Variants in MEIS2 observed in about 807,000 individuals in gnomAD.
MEIS2 encodes Meis homeobox 2.
In MEIS2, 9 loss-of-function variants were observed where a neutral mutation model predicts 58.6. The ratio of observed to expected loss-of-function variants is 0.15; its 90% confidence interval spans 0.09 to 0.27. The LOEUF (loss-of-function observed/expected upper bound fraction) is 0.27. Among genes scored for constraint, MEIS2 ranks in the 10% least tolerant of loss-of-function variants. MEIS2 has a pLI of 1.00. For synonymous variants in MEIS2, 221 were observed against 228.4 expected (o/e 0.97, Z 0.29); for missense variants, 427 against 635.0 (o/e 0.67, Z 3.52).
At chr15:37,070,179 C>A (rs565795967) in intron 7 of MEIS2, among the ~76,000 whole-genome samples, 1 of 152,096 alleles carries the variant, frequency 6.6e-6, no homozygotes, top group African/African-American at 2.4e-5. Context: ...AGAATAACTA[C>A]ATGGAGAGCT....
chr15:37,098,298 A>G, intron 1 of MEIS2, 99 bp from the exon 2 acceptor site: 1 of 1,414,018 alleles, frequency 7.1e-7, no homozygotes, highest in Non-Finnish European at 9.3e-7. Context: ...GGGCGAACAG[A>G]AAAGAGAGGA....
At chr15:36,934,268 T>G (rs1326691975) in intron 9 of MEIS2, among the ~76,000 whole-genome samples, 2 of 149,962 alleles carry the variant, frequency 1.3e-5, no homozygotes, top group East Asian at 3.9e-4. Context: ...CCATTTGTGT[T>G]TTTTTTTTTC....
chr15:37,029,619 T>C (rs993953829), intron 8 of MEIS2, among the ~76,000 whole-genome samples: 3 of 152,090 alleles, frequency 2.0e-5, no homozygotes, highest in African/African-American at 7.2e-5. Context: ...TGGTGATACA[T>C]AAGCTCTGAG....
intron 8 of MEIS2, among the ~76,000 whole-genome samples, chr15:36,955,664 C>T (rs573796908): frequency 6.6e-6 from 1 of 152,108 alleles, no homozygotes; most frequent in Non-Finnish European, 1.5e-5. Context: ...ATATACACAA[C>T]CCTCTCAAGT....
chr15:37,024,508 C>T (rs1213314696), intron 8 of MEIS2, among the ~76,000 whole-genome samples: 3 of 152,176 alleles, frequency 2.0e-5, no homozygotes, highest in Non-Finnish European at 2.9e-5. Flanking sequence ...CTGGCTGGTG[C>T]GTCTAAACCT....
chr15:37,093,668 G>A lies in MEIS2; in HGVS notation c.552C>T (p.Pro184=). ...RYISCLKGKM[P]IDLVIDERDG... ...CTCTTTCATCAATGACGAGGTCGATGGGCATTTTCCCCTTCAAACAGCTAA... is the reference window on the plus strand; with the variant it reads ...CTCTTTCATCAATGACGAGGTCGATAGGCATTTTCCCCTTCAAACAGCTAA... The change falls in exon 6 of 12, where the codon CCC becomes CCT. Residue 184 remains proline (P), a synonymous_variant. Coordinates refer to ENST00000561208, the MANE Select transcript of MEIS2 (RefSeq NM_170675.5). The A allele has an allele frequency of 1.9e-6, 3 of 1,614,158 alleles. No homozygotes were observed. The highest frequency in any genetic ancestry group is 1.7e-6 in the Non-Finnish European group (2 of 1,180,036).
intron 7 of MEIS2, 68 bp downstream of exon 7, chr15:37,083,703 A>G: frequency 1.5e-6 from 2 of 1,306,720 alleles, no homozygotes; most frequent in East Asian, 2.3e-5. Flanking sequence ...AGATGTACTG[A>G]TATCATAAAA....
At chr15:36,957,501 C>G (rs1433097759) in intron 8 of MEIS2, among the ~76,000 whole-genome samples, 2 of 152,268 alleles carry the variant, frequency 1.3e-5, no homozygotes, top group Non-Finnish European at 2.9e-5. Flanking sequence ...TGTCCAAGCC[C>G]TACTAATCCA....
chr15:37,032,596 C>T (rs2061974401), intron 8 of MEIS2, among the ~76,000 whole-genome samples: 1 of 152,236 alleles, frequency 6.6e-6, no homozygotes, highest in East Asian at 1.9e-4. Context: ...ACACACATTT[C>T]CAAGAGATTC....
chr15:37,066,245 A>G (rs1194140323), intron 7 of MEIS2: 1 of 152,186 alleles, frequency 6.6e-6, no homozygotes, highest in Non-Finnish European at 1.5e-5. Flanking sequence ...GTTTAACTTG[A>G]AGAAATAAAA....
intron 9 of MEIS2, chr15:36,898,847 C>T (rs913302660): frequency 6.6e-6 from 1 of 152,172 alleles, no homozygotes; most frequent in African/African-American, 2.4e-5. Context: ...CAATGCAGAA[C>T]ATTAAAAAAG....
At chr15:36,995,016 G>A (rs1053556960) in intron 8 of MEIS2, among the ~76,000 whole-genome samples, 4 of 152,044 alleles carry the variant, frequency 2.6e-5, no homozygotes, top group Admixed American at 1.3e-4. Flanking sequence ...GCATTATCTC[G>A]CCTTTTCCCT....
chr15:36,983,024 A>T (rs1347776409), intron 8 of MEIS2, among the ~76,000 whole-genome samples: 1 of 152,034 alleles, frequency 6.6e-6, no homozygotes, highest in Non-Finnish European at 1.5e-5. Flanking sequence ...GAGTTGTTTG[A>T]GTTCCTTAAA....
At chr15:37,095,670 G>A in intron 3 of MEIS2, 56 bp from the exon 4 acceptor site, 2 of 1,613,358 alleles carry the variant, frequency 1.2e-6, no homozygotes, top group Non-Finnish European at 1.7e-6. Context: ...TAAGAAAGCT[G>A]AAATGTGAGA....
At chr15:36,981,342 T>C (rs1259675238) in intron 8 of MEIS2, among the ~76,000 whole-genome samples, 1 of 152,188 alleles carries the variant, frequency 6.6e-6, no homozygotes, top group Non-Finnish European at 1.5e-5. Context: ...TTTGTTCAGG[T>C]AGGCAATTAT....
At chr15:37,008,203 A>G (rs1465582473) in intron 8 of MEIS2, among the ~76,000 whole-genome samples, 2 of 152,196 alleles carry the variant, frequency 1.3e-5, no homozygotes, top group East Asian at 1.9e-4. Context: ...CTTGCTAACT[A>G]TAGTTATATT....
chr15:36,996,014 T>C (rs1481858868), intron 8 of MEIS2, among the ~76,000 whole-genome samples: 3 of 123,732 alleles, frequency 2.4e-5, no homozygotes, highest in African/African-American at 8.5e-5. Flanking sequence ...TATATATATA[T>C]ACATATGTGT....
At chr15:37,006,950 C>T (rs4924116) in intron 8 of MEIS2, among the ~76,000 whole-genome samples, 17,914 of 152,226 alleles carry the variant, frequency 0.12, 1,749 homozygotes, top group Admixed American at 0.33. Flanking sequence ...GTGTCTTACA[C>T]TGATAGCCGA....
intron 9 of MEIS2, among the ~76,000 whole-genome samples, chr15:36,902,494 G>A (rs1190886556): frequency 6.6e-6 from 1 of 152,204 alleles, no homozygotes; most frequent in Non-Finnish European, 1.5e-5. Context: ...CTTTACATGT[G>A]TGCCATGGAC....
Sources: allele counts gnomAD v4.1 joint callset (sites outside exome capture counted in the v4.1 genomes callset), GRCh38; gene constraint gnomAD v4.1.1; transcripts MANE v1.5; gene names NCBI Gene and HGNC (gene_info 2026-07-23, HGNC 2026-07-21).